The following RIMS3 variants were observed in gnomAD, a reference collection of about 807,000 sequenced individuals.
The protein encoded by RIMS3 is regulating synaptic membrane exocytosis protein 3.
Under a neutral mutation model 29.2 loss-of-function variants are expected in RIMS3, and 15 were observed. The observed-to-expected ratio is 0.51, with a 90% CI of 0.34 to 0.79. The LOEUF (loss-of-function observed/expected upper bound fraction) is 0.79, where lower values mean the gene tolerates loss of function less well. Ranked by LOEUF, RIMS3 falls within the 30% of genes least tolerant of loss-of-function variation. RIMS3 has a pLI of 0.01. For synonymous variants in RIMS3, 161 were observed against 170.1 expected (o/e 0.95, Z 0.41); for missense variants, 342 against 421.4 (o/e 0.81, Z 1.65).
In RIMS3 at chr1:40,626,463, G is replaced by A. The variant is rs1161638481; in HGVS notation, c.*54C>T. Reference sequence around the variant, plus strand: ...GAAGACTATGTACAGGGGAGGACATGGGGCCAGCAGGCACCCCTCCCCACA... The same window carrying A: ...GAAGACTATGTACAGGGGAGGACATAGGGCCAGCAGGCACCCCTCCCCACA... On this transcript the variant is annotated 3_prime_UTR_variant, in exon 8 of 8. Coordinates refer to ENST00000372684, the MANE Select transcript of RIMS3 (RefSeq NM_014747.3). 4 of 1,464,816 alleles carry A rather than the reference G, an allele frequency of 2.7e-6. No individual in the cohort carries two copies. The highest frequency in any genetic ancestry group is 3.7e-6 in the Non-Finnish European group (4 of 1,067,402). 90.7% of individuals were successfully genotyped at this position (1,464,816 alleles called of 1,614,324 possible). A position where few individuals can be genotyped will look rare whatever the true frequency, so the allele number is the denominator to read the frequency against.
chr1:40,637,980 C>T (rs950491092), intron 3 of RIMS3, among the ~76,000 whole-genome samples: 1 of 152,184 alleles, frequency 6.6e-6, no homozygotes, highest in Non-Finnish European at 1.5e-5. Flanking sequence ...GTCACCTCCT[C>T]ATGACCCCAA....
At chr1:40,691,666 A>G in the RIMS3 span, 2 of 446,204 alleles carry the variant, frequency 4.5e-6, no homozygotes, top group Non-Finnish European at 9.0e-6. Flanking sequence ...CTGGGAGTCC[A>G]GGCGCCAAGG....
At chr1:40,691,652 G>A in the RIMS3 span, 2 of 438,620 alleles carry the variant, frequency 4.6e-6, no homozygotes, top group East Asian at 8.3e-5. Context: ...CGCACCGCAC[G>A]ATACTGGGAG....
the RIMS3 span, among the ~76,000 whole-genome samples, chr1:40,687,356 C>G: frequency 6.6e-6 from 1 of 152,036 alleles, no homozygotes; most frequent in African/African-American, 2.4e-5. Flanking sequence ...AATCCCAGCA[C>G]TTTGGGAGGC....
intron 2 of RIMS3, among the ~76,000 whole-genome samples, chr1:40,646,255 A>G (rs1390739194): frequency 6.6e-6 from 1 of 152,164 alleles, no homozygotes; most frequent in Non-Finnish European, 1.5e-5. Flanking sequence ...CTCAGGAAAG[A>G]CATGCCAAAG....
chr1:40,676,874 G>A, the RIMS3 span, among the ~76,000 whole-genome samples: 2 of 152,228 alleles, frequency 1.3e-5, no homozygotes, highest in African/African-American at 4.8e-5. Context: ...TGGACAAGAA[G>A]GAGAGGCAGA....
At chr1:40,687,597 C>T in the RIMS3 span, 5 of 103,152 alleles carry the variant, frequency 4.8e-5, no homozygotes, top group Non-Finnish European at 7.5e-5. Context: ...AGCAAAACTC[C>T]ATCTCCTAAA....
the RIMS3 span, chr1:40,691,992 C>T: frequency 5.7e-5 from 16 of 280,676 alleles, no homozygotes; most frequent in Middle Eastern, 4.8e-4. Flanking sequence ...TAGCTCGGTC[C>T]GTCCTGCCCG....
chr1:40,631,701 C>T (rs1646490126), intron 5 of RIMS3, among the ~76,000 whole-genome samples: 1 of 151,554 alleles, frequency 6.6e-6, no homozygotes, highest in Non-Finnish European at 1.5e-5. Context: ...AAATGGCAGC[C>T]AGGTACAGTG....
rs1646520701 is a variant in RIMS3, at chr1:40,636,433, C to T, written c.218-376G>A. Among the ~76,000 whole-genome samples the T allele has an allele frequency of 6.6e-6, 1 of 151,866 alleles. No individual in the cohort carries two copies. Among genetic ancestry groups the T allele is most frequent in the Non-Finnish European group, 1.5e-5 (1 of 68,034 alleles). ...CCCCAAAGGTTAAGTGTGCCTCTTC[C>T]CACTCTCTTCTGGAAAGTTCATCTT... On this transcript the variant is annotated intron_variant, in intron 3 of 7. Coordinates refer to ENST00000372684, the MANE Select transcript of RIMS3 (RefSeq NM_014747.3). This position sits in a 1 kb window ranked among gnomAD's most constrained non-coding sequence, Gnocchi z 4.2.
At chr1:40,656,202 C>A (rs1347685625) in intron 1 of RIMS3, among the ~76,000 whole-genome samples, 4 of 152,184 alleles carry the variant, frequency 2.6e-5, no homozygotes, top group African/African-American at 9.7e-5. Context: ...CCTCTACACT[C>A]CAGCCTGAGC....
the RIMS3 span, among the ~76,000 whole-genome samples, chr1:40,675,390 G>A: frequency 5.3e-5 from 8 of 152,266 alleles, no homozygotes; most frequent in East Asian, 1.9e-4. Flanking sequence ...GGGAGGCTGA[G>A]GCAAGTGGAT....
intron 1 of RIMS3, among the ~76,000 whole-genome samples, chr1:40,662,885 G>T (rs992877969): frequency 2.0e-5 from 3 of 152,144 alleles, no homozygotes; most frequent in African/African-American, 7.2e-5. Flanking sequence ...GGTTGGAAGC[G>T]GAAGGCATTA....
In RIMS3 at chr1:40,635,078, G is replaced by A. The variant is rs1190226062; in HGVS notation, c.359+838C>T. On this transcript the variant is annotated intron_variant, in intron 4 of 7. Transcript: ENST00000372684. The surrounding 1 kb of genome is among the most constrained non-coding windows in gnomAD (Gnocchi z 4.1). ...GGGAAGATGTAATAAATGCTTGAGAGCACTCGCATTCATGGAAGTAGGTGC... is the reference window on the plus strand; with the variant it reads ...GGGAAGATGTAATAAATGCTTGAGAACACTCGCATTCATGGAAGTAGGTGC... 2.6e-5 allele frequency among the ~76,000 whole-genome samples: 4 copies of A among 152,196 alleles called. No individual in the cohort carries two copies. The highest frequency in any genetic ancestry group is 9.7e-5 in the African/African-American group (4 of 41,444).
the RIMS3 span, among the ~76,000 whole-genome samples, chr1:40,676,213 T>C: frequency 6.6e-6 from 1 of 152,206 alleles, no homozygotes; most frequent in Non-Finnish European, 1.5e-5. Context: ...CTGACTCTAC[T>C]GTGTTATCTT....
At chr1:40,666,450 T>C (rs2148366848), upstream of RIMS3, among the ~76,000 whole-genome samples, 1 of 152,324 alleles carries the variant, frequency 6.6e-6, no homozygotes, top group South Asian at 2.1e-4. Flanking sequence ...AGCAGGTTTC[T>C]GAGGTTGAGA....
In RIMS3 at chr1:40,626,405, G is replaced by T. The variant is rs995268419; in HGVS notation, c.*112C>A. On this transcript the variant is annotated 3_prime_UTR_variant, in exon 8 of 8. Transcript: ENST00000372684. ...CTGGGATGAGCCCAGTAGCCAACAGGCATGCAGCAGGACAAGGGGTCCAGA... is the reference window on the plus strand; with the variant it reads ...CTGGGATGAGCCCAGTAGCCAACAGTCATGCAGCAGGACAAGGGGTCCAGA... 4.0e-6 allele frequency: 4 copies of T among 997,834 alleles called. No individual in the cohort carries two copies. In the African/African-American group the frequency reaches 4.8e-5, roughly 12 times the overall value. 61.8% of individuals were successfully genotyped at this position (997,834 alleles called of 1,614,324 possible). A position where few individuals can be genotyped will look rare whatever the true frequency, so the allele number is the denominator to read the frequency against.
chr1:40,634,192 C>T (rs1646506321), intron 4 of RIMS3, among the ~76,000 whole-genome samples: 1 of 152,042 alleles, frequency 6.6e-6, no homozygotes, highest in South Asian at 2.1e-4. Flanking sequence ...AAAGGCTGTC[C>T]AAGGAAGAAT....
At position 40,626,551 on chromosome 1, in the gene RIMS3, G is replaced by C. The variant is rs775687727; in HGVS notation, c.893C>G (p.Ser298Cys). ...GSLTRRLSQS[S>C]LESATSPSCS ...TGAGGGGCTGGTGGCACTCTCCAGG[G>C]AAGACTGGGACAGGCGCCTGGTGAG... The change falls in exon 8 of 8, where the codon TCC becomes TGC. Residue 298 changes from serine to cysteine, a missense_variant. By Grantham distance (112) the Ser-to-Cys change is moderately radical. Coordinates refer to ENST00000372684, the MANE Select transcript of RIMS3 (RefSeq NM_014747.3). 2 of 1,612,564 alleles carry C rather than the reference G, an allele frequency of 1.2e-6. No homozygotes were observed. Among genetic ancestry groups the C allele is most frequent in the Non-Finnish European group, 1.7e-6 (2 of 1,179,342 alleles).
Sources: allele counts gnomAD v4.1 joint callset (sites outside exome capture counted in the v4.1 genomes callset), GRCh38; gene constraint gnomAD v4.1.1; non-coding constraint Gnocchi (gnomAD v3.1); transcripts MANE v1.5; gene names NCBI Gene and HGNC (gene_info 2026-07-23, HGNC 2026-07-21).